The following STXBP5L variants were observed in gnomAD, a reference collection of about 807,000 sequenced individuals.
STXBP5L encodes the protein syntaxin-binding protein 5-like.
A neutral mutation model predicts 144.5 loss-of-function variants in STXBP5L; 65 were observed. The ratio of observed to expected loss-of-function variants is 0.45; its 90% CI spans 0.37 to 0.55. STXBP5L has a LOEUF of 0.55. STXBP5L is among the 20% of genes least tolerant of loss of function. The pLI is 0.00. For missense variants in STXBP5L, 1,298 were observed against 1,405.5 expected (o/e 0.92, Z 1.22); for synonymous variants, 505 against 469.6 (o/e 1.08, Z -0.97).
intron 11 of STXBP5L, among the ~76,000 whole-genome samples, chr3:121,231,136 T>G (rs1577262967): frequency 6.6e-6 from 1 of 152,184 alleles, no homozygotes. Flanking sequence ...GTTTATAATA[T>G]GCACATTGTG....
At chr3:120,921,013 A>G (rs1709334677) in intron 2 of STXBP5L, among the ~76,000 whole-genome samples, 1 of 151,698 alleles carries the variant, frequency 6.6e-6, no homozygotes, top group East Asian at 1.9e-4. Context: ...GAGTAGTGCA[A>G]TTGCTGGTTG....
chr3:120,976,772 A>G (rs1033590292), intron 3 of STXBP5L, among the ~76,000 whole-genome samples: 3 of 152,162 alleles, frequency 2.0e-5, no homozygotes, highest in Non-Finnish European at 2.9e-5. Flanking sequence ...TTCAAAGAAC[A>G]TCTTTATTCC....
At chr3:121,290,578 A>G (rs942427198) in intron 19 of STXBP5L, among the ~76,000 whole-genome samples, 2 of 152,122 alleles carry the variant, frequency 1.3e-5, no homozygotes, top group African/African-American at 4.8e-5. Flanking sequence ...TCACCCTAAT[A>G]TCAAAACCAA....
At chr3:120,964,879 T>C (rs1473518170) in intron 3 of STXBP5L, among the ~76,000 whole-genome samples, 1 of 152,146 alleles carries the variant, frequency 6.6e-6, no homozygotes, top group Non-Finnish European at 1.5e-5. Flanking sequence ...GGTGTTAAAA[T>C]CTCCCATTAT....
At chr3:121,315,417 T>C (rs1168415346) in intron 19 of STXBP5L, among the ~76,000 whole-genome samples, 5 of 141,316 alleles carry the variant, frequency 3.5e-5, no homozygotes, top group Non-Finnish European at 7.5e-5. Flanking sequence ...TTCTCACTCA[T>C]AGGTGGGAAT....
At chr3:121,262,114 C>A (rs1302385165) in intron 18 of STXBP5L, among the ~76,000 whole-genome samples, 1 of 152,062 alleles carries the variant, frequency 6.6e-6, no homozygotes, top group African/African-American at 2.4e-5. Context: ...TCCCAAAGAC[C>A]CAGTCACCTT....
At chr3:121,043,029 T>C (rs1045191095) in intron 4 of STXBP5L, among the ~76,000 whole-genome samples, 1 of 151,920 alleles carries the variant, frequency 6.6e-6, no homozygotes, top group Non-Finnish European at 1.5e-5. Flanking sequence ...TGATTTGTAC[T>C]GGGTCTGATC....
intron 5 of STXBP5L, among the ~76,000 whole-genome samples, chr3:121,065,788 G>A (rs879831200): frequency 6.6e-6 from 1 of 152,118 alleles, no homozygotes; most frequent in Non-Finnish European, 1.5e-5. Flanking sequence ...TAAAATTGTG[G>A]CCAGGGCTGT....
intron 22 of STXBP5L, among the ~76,000 whole-genome samples, chr3:121,397,230 G>A (rs1000443727): frequency 1.3e-5 from 2 of 152,200 alleles, no homozygotes; most frequent in African/African-American, 4.8e-5. Flanking sequence ...TTAAATCTAT[G>A]ACTATTAAAG....
At chr3:121,406,088 T>C (rs1013232751) in intron 22 of STXBP5L, among the ~76,000 whole-genome samples, 2 of 152,066 alleles carry the variant, frequency 1.3e-5, no homozygotes, top group Non-Finnish European at 2.9e-5. Flanking sequence ...TTCAGAGCTG[T>C]TGGCATTTTT....
At chr3:121,000,922 G>A (rs886391244) in intron 3 of STXBP5L, among the ~76,000 whole-genome samples, 2 of 152,172 alleles carry the variant, frequency 1.3e-5, no homozygotes, top group African/African-American at 4.8e-5. Flanking sequence ...CTTTAATCCT[G>A]GGGTTGCTGG....
chr3:121,010,042 A>G (rs1171193939), intron 3 of STXBP5L, among the ~76,000 whole-genome samples: 1 of 151,914 alleles, frequency 6.6e-6, no homozygotes, highest in East Asian at 1.9e-4. Context: ...TGTGATTGAA[A>G]TACCACTTGG....
intron 18 of STXBP5L, among the ~76,000 whole-genome samples, chr3:121,276,583 T>C (rs1270830845): frequency 6.6e-6 from 1 of 151,984 alleles, no homozygotes; most frequent in Non-Finnish European, 1.5e-5. Context: ...CAAAAATTCT[T>C]TTCCACTGCT....
At chr3:121,119,919 C>T (rs3845854) in intron 6 of STXBP5L, among the ~76,000 whole-genome samples, 145,629 of 151,232 alleles carry the variant, frequency 0.96, 70,168 homozygotes, top group African/African-American at 0.99. Context: ...GTAGAATATT[C>T]TATAGTTTAA....
chr3:120,958,707 C>T (rs1247056017), intron 3 of STXBP5L, among the ~76,000 whole-genome samples: 2 of 152,126 alleles, frequency 1.3e-5, no homozygotes, highest in Non-Finnish European at 2.9e-5. Flanking sequence ...TTCAACAGCC[C>T]TTCATGCTAA....
chr3:121,127,199 G>A (rs2044748098), intron 7 of STXBP5L, among the ~76,000 whole-genome samples: 1 of 148,428 alleles, frequency 6.7e-6, no homozygotes, highest in Non-Finnish European at 1.5e-5. Flanking sequence ...AATAGGCCCA[G>A]GAGCTGCTTA....
chr3:121,019,606 A>T (rs1481149343), intron 3 of STXBP5L, among the ~76,000 whole-genome samples: 4 of 152,172 alleles, frequency 2.6e-5, no homozygotes, highest in African/African-American at 9.7e-5. Context: ...CTCTTTGCAG[A>T]CACTCCCCAC....
At chr3:121,373,814 C>T (rs1314451796) in intron 20 of STXBP5L, among the ~76,000 whole-genome samples, 1 of 152,164 alleles carries the variant, frequency 6.6e-6, no homozygotes. Flanking sequence ...CAGACTGGTC[C>T]TACTGGCCTG....
At chr3:121,338,606 A>AG (rs1321310687) in intron 20 of STXBP5L, among the ~76,000 whole-genome samples, 54 of 149,510 alleles carry the variant, frequency 3.6e-4, no homozygotes, top group African/African-American at 1.2e-3. Flanking sequence ...AAAAAAAAAA[A>AG]AAAGAGAGAA....
Sources: gnomAD v4.1 joint callset for allele counts (sites outside exome capture counted in the v4.1 genomes callset) on GRCh38, gnomAD v4.1.1 for gene constraint, MANE v1.5 for transcripts, NCBI Gene and HGNC (gene_info 2026-07-23, HGNC 2026-07-21) for gene names.